Variants in GTF2F2 observed in about 807,000 individuals in gnomAD.
The protein encoded by GTF2F2 is general transcription factor IIF subunit 2.
GTF2F2 carries 23 observed loss-of-function variants against 42.2 expected under a neutral mutation model. The ratio of observed to expected loss-of-function variants is 0.55; its 90% CI spans 0.39 to 0.77. The LOEUF (loss-of-function observed/expected upper bound fraction) is 0.77. GTF2F2 is among the 30% of genes least tolerant of loss of function. The pLI is 0.00. For synonymous variants in GTF2F2, 105 were observed against 100.8 expected (o/e 1.04, Z -0.25); for missense variants, 261 against 287.2 (o/e 0.91, Z 0.66).
chr13:45,262,197 C>T (rs1327367091), intron 6 of GTF2F2, among the ~76,000 whole-genome samples: 2 of 152,030 alleles, frequency 1.3e-5, no homozygotes, highest in African/African-American at 2.4e-5. Context: ...TATAGCCAGA[C>T]CCTATCTCTT....
Position 45,279,580 on chromosome 13 carries a change from A to C in GTF2F2, c.631-3862A>C, listed in dbSNP as rs192843929. 3.4e-3 allele frequency among the ~76,000 whole-genome samples: 516 copies of C among 152,292 alleles called. 5 individuals carry two copies. Among genetic ancestry groups the C allele is most frequent in the Admixed American group, 0.026 (397 of 15,288 alleles). On this transcript the variant is annotated intron_variant, in intron 7 of 7. Coordinates refer to ENST00000340473, the MANE Select transcript of GTF2F2 (RefSeq NM_004128.3). ...CGCCTTATTCACTTTGCATAAGTAC[A>C]CTGAGTCTCTGTGATGTGCACGCAG...
intron 6 of GTF2F2, among the ~76,000 whole-genome samples, chr13:45,262,578 C>T (rs2138259109): frequency 6.6e-6 from 1 of 152,060 alleles, no homozygotes; most frequent in African/African-American, 2.4e-5. Context: ...CAGGTGAGTG[C>T]CACCACACCC....
chr13:45,268,864 A>G (rs909572793), intron 7 of GTF2F2, among the ~76,000 whole-genome samples: 2 of 152,194 alleles, frequency 1.3e-5, no homozygotes, highest in African/African-American at 2.4e-5. Context: ...TTCATTTTGC[A>G]TCAAAGAACA....
intron 5 of GTF2F2, among the ~76,000 whole-genome samples, chr13:45,237,805 A>G (rs1277204828): frequency 1.3e-5 from 2 of 152,226 alleles, no homozygotes; most frequent in African/African-American, 4.8e-5. Context: ...GATCAAAAAC[A>G]AAAGATACTT....
At chr13:45,148,365 T>C (rs1870309269) in intron 2 of GTF2F2, among the ~76,000 whole-genome samples, 1 of 152,222 alleles carries the variant, frequency 6.6e-6, no homozygotes, top group African/African-American at 2.4e-5. Context: ...GCTTCTATGG[T>C]TGAGCCCCTT....
chr13:45,185,397 T>A (rs1044377156), intron 4 of GTF2F2, among the ~76,000 whole-genome samples: 1 of 151,590 alleles, frequency 6.6e-6, no homozygotes, highest in Non-Finnish European at 1.5e-5. Context: ...AGATTTTGGC[T>A]GTGTTGTAAC....
At chr13:45,262,303 G>A (rs1199556451) in intron 6 of GTF2F2, among the ~76,000 whole-genome samples, 1 of 152,196 alleles carries the variant, frequency 6.6e-6, no homozygotes, top group African/African-American at 2.4e-5. Context: ...GATCCCAGGA[G>A]GTTGAGACTG....
chr13:45,281,897 C>T (rs1877282604), intron 7 of GTF2F2, among the ~76,000 whole-genome samples: 1 of 152,288 alleles, frequency 6.6e-6, no homozygotes, highest in Admixed American at 6.5e-5. Flanking sequence ...ACAAAAGAGT[C>T]GCTTTTAAAT....
intron 4 of GTF2F2, among the ~76,000 whole-genome samples, chr13:45,165,321 A>ATG (rs1262477424): frequency 7.6e-6 from 1 of 132,412 alleles, no homozygotes; most frequent in Non-Finnish European, 1.6e-5. Flanking sequence ...ATATATATAT[A>ATG]TATATATATA....
chr13:45,262,545 A>G (rs1244123344), intron 6 of GTF2F2, among the ~76,000 whole-genome samples: 1 of 151,704 alleles, frequency 6.6e-6, no homozygotes, highest in Non-Finnish European at 1.5e-5. Context: ...CTCCCACCTC[A>G]GCCTCCCAAG....
At chr13:45,262,382 G>C (rs1876377924) in intron 6 of GTF2F2, among the ~76,000 whole-genome samples, 1 of 152,118 alleles carries the variant, frequency 6.6e-6, no homozygotes, top group Non-Finnish European at 1.5e-5. Context: ...TCTAAAATTA[G>C]TTAACTAATT....
At chr13:45,281,119 C>G (rs942526408) in intron 7 of GTF2F2, among the ~76,000 whole-genome samples, 1 of 152,122 alleles carries the variant, frequency 6.6e-6, no homozygotes, top group African/African-American at 2.4e-5. Context: ...TTTTATATTA[C>G]CTAGATATCT....
intron 4 of GTF2F2, among the ~76,000 whole-genome samples, chr13:45,161,389 A>G (rs1871027744): frequency 6.6e-6 from 1 of 152,196 alleles, no homozygotes; most frequent in Admixed American, 6.5e-5. Flanking sequence ...GGTAGTGTGA[A>G]AAGATTGCAA....
At chr13:45,225,233 G>A (rs1460548179) in intron 5 of GTF2F2, among the ~76,000 whole-genome samples, 3 of 152,054 alleles carry the variant, frequency 2.0e-5, no homozygotes, top group Non-Finnish European at 4.4e-5. Context: ...TACAACTTTC[G>A]GATAATATAT....
chr13:45,191,224 A>ATATATATATATATATAT (rs1555267736), intron 4 of GTF2F2, among the ~76,000 whole-genome samples: 11 of 75,308 alleles, frequency 1.5e-4, no homozygotes, highest in African/African-American at 1.0e-3. Context: ...ACAAAAAAAA[A>ATATATATATATATATAT]ATATATATAT....
At chr13:45,261,952 T>A (rs950045243) in intron 6 of GTF2F2, among the ~76,000 whole-genome samples, 5 of 152,214 alleles carry the variant, frequency 3.3e-5, no homozygotes, top group African/African-American at 1.2e-4. Flanking sequence ...TATAAGTTAT[T>A]AATAACTTAA....
intron 4 of GTF2F2, among the ~76,000 whole-genome samples, chr13:45,188,616 A>G (rs189187339): frequency 4.6e-5 from 7 of 152,326 alleles, no homozygotes; most frequent in Non-Finnish European, 7.3e-5. Context: ...GCCCTGTCAA[A>G]TAGTTACTAT....
At chr13:45,178,882 G>A (rs1176133433) in intron 4 of GTF2F2, among the ~76,000 whole-genome samples, 1 of 152,138 alleles carries the variant, frequency 6.6e-6, no homozygotes, top group African/African-American at 2.4e-5. Flanking sequence ...GCATTCAGCT[G>A]GGGGGTTGGC....
chr13:45,121,285 C>T (rs1243223069), intron 1 of GTF2F2, among the ~76,000 whole-genome samples: 1 of 152,088 alleles, frequency 6.6e-6, no homozygotes, highest in African/African-American at 2.4e-5. Context: ...TGAAACTGGC[C>T]GTCAATAAAC....
Sources: gnomAD v4.1 joint callset for allele counts (sites outside exome capture counted in the v4.1 genomes callset) on GRCh38, gnomAD v4.1.1 for gene constraint, MANE v1.5 for transcripts, NCBI Gene and HGNC (gene_info 2026-07-23, HGNC 2026-07-21) for gene names.